Variants in KCNK1 observed in about 807,000 individuals in gnomAD.
KCNK1 encodes potassium two pore domain channel subfamily K member 1.
In KCNK1, 10 loss-of-function variants were observed where a neutral mutation model predicts 22.2. The observed-to-expected ratio is 0.45, with a 90% CI of 0.28 to 0.76. KCNK1 has a LOEUF of 0.76. Ranked by LOEUF, KCNK1 falls within the 30% of genes least tolerant of loss-of-function variation. The pLI, the probability that KCNK1 is intolerant of heterozygous loss-of-function variation, is 0.14. For missense variants in KCNK1, 378 were observed against 421.0 expected, an observed-to-expected ratio of 0.90 and a Z score of 0.89; for synonymous variants, 200 against 186.4, an observed-to-expected ratio of 1.07 and a Z score of -0.60.
At chr1:233,621,978 C>T (rs563143845) in intron 1 of KCNK1, among the ~76,000 whole-genome samples, 15 of 150,742 alleles carry the variant, frequency 1.0e-4, no homozygotes, top group South Asian at 2.2e-4. Context: ...TTATAGCCCC[C>T]GGAAGATACT....
chr1:233,671,122 C>T (rs1658588561), intron 2 of KCNK1, 149 bp from the exon 3 acceptor site: 1 of 738,292 alleles, frequency 1.4e-6, no homozygotes. Context: ...GAACCATGAA[C>T]TTAAAAACAC....
Position 233,614,309 on chromosome 1 carries a change from G to A in KCNK1, c.138G>A (p.Leu46=), listed in dbSNP as rs376126732. 12 of 1,612,472 alleles carry A rather than the reference G, an allele frequency of 7.4e-6. No homozygotes were observed. Among genetic ancestry groups the A allele is most frequent in the Non-Finnish European group, 1.0e-5 (12 of 1,179,530 alleles). Residue 46 remains leucine, a synonymous_variant, in exon 1 of 3, where the codon CTG becomes CTA. Coordinates refer to ENST00000366621, the MANE Select transcript of KCNK1 (RefSeq NM_002245.4). ...CAGTGGTCTTCTCCTCGGTGGAGCT[G>A]CCCTATGAGGACCTGCTGCGCCAGG... ...FGAVVFSSVE[L]PYEDLLRQEL...
chr1:233,636,756 C>CAATGT (rs75227301), intron 1 of KCNK1, among the ~76,000 whole-genome samples: 1 of 151,828 alleles, frequency 6.6e-6, no homozygotes, highest in African/African-American at 2.4e-5. Flanking sequence ...AACAGGTGAT[C>CAATGT]CCTCTAGGAC....
At chr1:233,638,379 C>T (rs914763132) in intron 1 of KCNK1, among the ~76,000 whole-genome samples, 1 of 151,270 alleles carries the variant, frequency 6.6e-6, no homozygotes, top group Non-Finnish European at 1.5e-5. Context: ...GGCTCTTTTC[C>T]TTGTTTCTCT....
intron 1 of KCNK1, among the ~76,000 whole-genome samples, chr1:233,631,678 C>T (rs897153670): frequency 6.6e-6 from 1 of 152,076 alleles, no homozygotes; most frequent in Admixed American, 6.6e-5. Flanking sequence ...TTTCCATTCT[C>T]CACTCATTTC....
At chr1:233,643,707 G>A (rs1658041974) in intron 1 of KCNK1, among the ~76,000 whole-genome samples, 1 of 152,134 alleles carries the variant, frequency 6.6e-6, no homozygotes, top group African/African-American at 2.4e-5. Context: ...GCATGAATGT[G>A]GTAGGGCTGG....
chr1:233,631,262 T>A (rs701224), intron 1 of KCNK1: 163,092 of 520,662 alleles, frequency 0.31, 31,483 homozygotes, highest in African/African-American at 0.71. Flanking sequence ...CAGGTGCGGG[T>A]TTCTGACAAC....
rs1303396233 is a variant in KCNK1 at position 233,614,204 on chromosome 1, G to C, written c.33G>C (p.Val11=). MLQSLAGSSC[V]RLVERHRSAW... is the part of the protein sequence containing the mutation. ...AGTCCCTGGCCGGCAGCTCGTGCGT[G>C]CGCCTGGTGGAGCGGCACCGCTCGG... is the stretch of plus-strand genomic sequence containing the variant. Residue 11 remains valine, a synonymous_variant, in exon 1 of 3, where the codon GTG becomes GTC. Transcript: ENST00000366621. The C allele has an allele frequency of 2.5e-6, 4 of 1,608,948 alleles. No homozygotes were observed. The highest frequency in any genetic ancestry group is 3.4e-6 in the Non-Finnish European group (4 of 1,179,620).
Position 233,614,481 on chromosome 1 carries a change from T to A in KCNK1, c.310T>A (p.Phe104Ile), listed in dbSNP as rs769438250. 6.2e-7 allele frequency: 1 copy of A among 1,612,366 alleles called. No homozygotes were observed. Among genetic ancestry groups the A allele is most frequent in the Non-Finnish European group, 8.5e-7 (1 of 1,179,324 alleles). ...CGCCTCGGGCAACTGGAACTGGGACTTCACCTCCGCGCTCTTCTTCGCCAG... is the reference window on the plus strand; with the variant it reads ...CGCCTCGGGCAACTGGAACTGGGACATCACCTCCGCGCTCTTCTTCGCCAG... The part of the protein sequence containing the change: ...SNASGNWNWD[F>I]TSALFFASTV... Residue 104 changes from phenylalanine (F) to isoleucine (I), a missense_variant, in exon 1 of 3, where the codon TTC becomes ATC. Coordinates refer to ENST00000366621, the MANE Select transcript of KCNK1 (RefSeq NM_002245.4).
At chr1:233,623,192 TA>T (rs1427221040) in intron 1 of KCNK1, among the ~76,000 whole-genome samples, 1 of 146,856 alleles carries the variant, frequency 6.8e-6, no homozygotes, top group Non-Finnish European at 1.5e-5. Flanking sequence ...CAATGGAAGA[TA>T]ATGAAAACAA....
chr1:233,632,732 T>C (rs924828952), intron 1 of KCNK1, among the ~76,000 whole-genome samples: 2 of 152,174 alleles, frequency 1.3e-5, no homozygotes, highest in Non-Finnish European at 2.9e-5. Flanking sequence ...TGGCTTTTCT[T>C]CCTGAGGATC....
chr1:233,654,982 G>C (rs1054579077), intron 1 of KCNK1, among the ~76,000 whole-genome samples: 1 of 152,120 alleles, frequency 6.6e-6, no homozygotes, highest in African/African-American at 2.4e-5. Flanking sequence ...GGATAGCCGA[G>C]TGGTAGGACC....
intron 1 of KCNK1, among the ~76,000 whole-genome samples, chr1:233,642,003 G>A (rs892728083): frequency 4.6e-5 from 7 of 152,186 alleles, no homozygotes; most frequent in African/African-American, 1.7e-4. Flanking sequence ...GGTCAAAGCT[G>A]TCTTCAGTGG....
intron 1 of KCNK1, among the ~76,000 whole-genome samples, chr1:233,651,405 G>A (rs111997904): frequency 0.013 from 2,045 of 152,264 alleles, 41 homozygotes; most frequent in African/African-American, 0.047. Context: ...AGAGGAGGTG[G>A]CATGTGGAAG....
At position 233,614,430 on chromosome 1, in the gene KCNK1, A is replaced by G. The variant is rs1657445347; in HGVS notation, c.259A>G (p.Asn87Asp). Residue 87 changes from asparagine (N) to aspartate (D), a missense_variant, in exon 1 of 3, where the codon AAC (asparagine) becomes GAC (aspartate). Coordinates refer to ENST00000366621, the MANE Select transcript of KCNK1 (RefSeq NM_002245.4). ...QFLGRVLEAS[N>D]YGVSVLSNAS... ...CCTGGGCCGGGTGCTGGAGGCCAGC[A>G]ACTACGGCGTGTCGGTGCTCAGCAA... 1 of 1,613,204 alleles carries G rather than the reference A, an allele frequency of 6.2e-7. No homozygotes were observed. The highest frequency in any genetic ancestry group is 8.5e-7 in the Non-Finnish European group (1 of 1,179,762).
chr1:233,621,994 T>A (rs958583744), intron 1 of KCNK1, among the ~76,000 whole-genome samples: 6 of 152,230 alleles, frequency 3.9e-5, no homozygotes, highest in African/African-American at 1.4e-4. Context: ...ATACTGCTAC[T>A]ATTATCAATA....
chr1:233,642,909 C>T (rs915334699), intron 1 of KCNK1, among the ~76,000 whole-genome samples: 3 of 151,302 alleles, frequency 2.0e-5, no homozygotes, highest in Non-Finnish European at 4.4e-5. Flanking sequence ...GCTGGGACTA[C>T]AGGCATGCGC....
chr1:233,626,129 G>A (rs571791794), intron 1 of KCNK1, among the ~76,000 whole-genome samples: 52 of 152,110 alleles, frequency 3.4e-4, no homozygotes, highest in Non-Finnish European at 4.7e-4. Flanking sequence ...TCGGACCACC[G>A]ATGCCTCTCG....
At chr1:233,617,884 T>G (rs961238680) in intron 1 of KCNK1, among the ~76,000 whole-genome samples, 1 of 152,174 alleles carries the variant, frequency 6.6e-6, no homozygotes, top group African/African-American at 2.4e-5. Context: ...GAGCTGTGAT[T>G]GAGCCACTGT....
Sources: allele counts gnomAD v4.1 joint callset (sites outside exome capture counted in the v4.1 genomes callset), GRCh38; gene constraint gnomAD v4.1.1; transcripts MANE v1.5; gene names NCBI Gene and HGNC (gene_info 2026-07-23, HGNC 2026-07-21).